Variants in PRPF39 observed in about 807,000 individuals in gnomAD.
PRPF39 encodes the protein pre-mRNA processing factor 39.
In PRPF39, 27 loss-of-function variants were observed where a neutral mutation model predicts 82.1. That is an observed-to-expected ratio of 0.33 (90% CI 0.24 to 0.45). The LOEUF (loss-of-function observed/expected upper bound fraction) is 0.45. Among genes scored for constraint, PRPF39 ranks in the 20% least tolerant of loss-of-function variants. The pLI is 1.00. For missense variants in PRPF39, 581 were observed against 796.9 expected, an observed-to-expected ratio of 0.73 and a Z score of 3.26; for synonymous variants, 261 against 256.4, an observed-to-expected ratio of 1.02 and a Z score of -0.17.
At chr14:45,106,643 A>T (rs1884542248) in intron 5 of PRPF39, among the ~76,000 whole-genome samples, 1 of 152,142 alleles carries the variant, frequency 6.6e-6, no homozygotes, top group Non-Finnish European at 1.5e-5. Context: ...TGCTAATGTG[A>T]TTAGGAGAAA....
chr14:45,106,576 A>G (rs180917375), intron 5 of PRPF39, among the ~76,000 whole-genome samples: 54 of 152,274 alleles, frequency 3.5e-4, no homozygotes, highest in African/African-American at 1.3e-3. Context: ...AAATCTTTTT[A>G]TAGATTAGCT....
chr14:45,113,216 A>G (rs1352081476), intron 11 of PRPF39, among the ~76,000 whole-genome samples: 1 of 152,212 alleles, frequency 6.6e-6, no homozygotes, highest in Non-Finnish European at 1.5e-5. Flanking sequence ...ATGTGTGTAT[A>G]TATTTTTGAT....
chr14:45,114,033 C>CAG lies in PRPF39; in HGVS notation c.1758-149_1758-148dup. The CAG allele has an allele frequency of 5.3e-6, 3 of 566,334 alleles. 1 individual carries two copies. The allele number at this position is 566,334 out of a possible 1,614,324, so 35.1% of individuals were successfully genotyped here. ...TATAGGGAATGGAGTGTCTGAGTAT[C>CAG]AGGACTATGATTTTAGTAGTAGAAA... On this transcript the variant is annotated intron_variant, in intron 11 of 13. Transcript: ENST00000355765.
chr14:45,111,018 G>C, intron 10 of PRPF39: 1 of 553,162 alleles, frequency 1.8e-6, no homozygotes, highest in Non-Finnish European at 3.2e-6. Context: ...TAGACATTAA[G>C]ATTATTGGGT....
At chr14:45,111,498 C>A (rs1214287450) in intron 10 of PRPF39, among the ~76,000 whole-genome samples, 1 of 151,814 alleles carries the variant, frequency 6.6e-6, no homozygotes, top group Non-Finnish European at 1.5e-5. Context: ...CCGCGTCCGG[C>A]TGATTTTTGT....
At chr14:45,107,701 G>T in intron 6 of PRPF39, 85 bp downstream of exon 6, 1 of 1,374,738 alleles carries the variant, frequency 7.3e-7, no homozygotes, top group Non-Finnish European at 9.9e-7. Flanking sequence ...GGCCAAGGTA[G>T]GCGGGTCACC....
At chr14:45,105,239 C>T (rs1044037217) in intron 5 of PRPF39, among the ~76,000 whole-genome samples, 3 of 152,116 alleles carry the variant, frequency 2.0e-5, no homozygotes, top group African/African-American at 7.2e-5. Context: ...GAAGTTGTTA[C>T]ATGATGTAGC....
chr14:45,096,087 G>C lies in PRPF39; in HGVS notation c.325-16G>C. 1 of 1,544,434 alleles carries C rather than the reference G, an allele frequency of 6.5e-7. No individual in the cohort carries two copies. The highest frequency in any genetic ancestry group is 8.8e-7 in the Non-Finnish European group (1 of 1,141,792). On this transcript the variant is annotated splice_polypyrimidine_tract_variant and intron_variant, in intron 2 of 13. Transcript: ENST00000355765. ...GAAATTTCCACAATATTTAAATACT[G>C]TTTTATTTTTATCAGAATCACTTGA...
intron 1 of PRPF39, among the ~76,000 whole-genome samples, chr14:45,092,617 A>AT (rs1884070506): frequency 6.6e-6 from 1 of 151,598 alleles, no homozygotes; most frequent in Non-Finnish European, 1.5e-5. Context: ...AAAAAAAAAA[A>AT]AAAAAAAGTC....
chr14:45,114,507 G>C lies in PRPF39; in HGVS notation c.1846G>C (p.Glu616Gln). Residue 616 changes from glutamate to glutamine, a missense_variant, in exon 13 of 14, where the codon GAG (glutamate) becomes CAG (glutamine). Glu to Gln is a conservative substitution (Grantham distance 29). Transcript: ENST00000355765. ...RKAENGSEEP[E>Q]EKKAHTEDTT... ...CGTTTTATATAGATCAGAAGAACCA[G>C]AGGAAAAGAAAGCACATACAGAAGA... 1 of 1,579,706 alleles carries C rather than the reference G, an allele frequency of 6.3e-7. No homozygotes were observed. Among genetic ancestry groups the C allele is most frequent in the Non-Finnish European group, 8.5e-7 (1 of 1,170,230 alleles).
intron 5 of PRPF39, among the ~76,000 whole-genome samples, chr14:45,103,065 T>C (rs966870465): frequency 6.6e-6 from 1 of 151,900 alleles, no homozygotes; most frequent in African/African-American, 2.4e-5. Context: ...TAGATGCTTA[T>C]TTTTTTTGAA....
At chr14:45,090,661 A>G (rs953341461) in intron 1 of PRPF39, among the ~76,000 whole-genome samples, 1 of 150,480 alleles carries the variant, frequency 6.6e-6, no homozygotes, top group Non-Finnish European at 1.5e-5. Flanking sequence ...ATTGTTTTCA[A>G]ATGATTTTTT....
chr14:45,095,946 A>C (rs775128485), intron 2 of PRPF39, among the ~76,000 whole-genome samples, 157 bp from the exon 3 acceptor site: 52 of 151,464 alleles, frequency 3.4e-4, no homozygotes, highest in Non-Finnish European at 7.1e-4. Flanking sequence ...TAAAGGAATA[A>C]AAGAAGGGCT....
chr14:45,087,253 C>A (rs575995921), intron 1 of PRPF39, among the ~76,000 whole-genome samples: 7 of 151,972 alleles, frequency 4.6e-5, no homozygotes, highest in African/African-American at 1.5e-4. Context: ...TGCGTGCCAC[C>A]ACACCCAGCT....
rs1382739942 is a variant in PRPF39, at chr14:45,101,829, CAG to C, written c.570-697_570-696del. Reference sequence around the variant, plus strand: ...GTATACTTTTTTTTTTTTTTTGAGACAGAGTCGCGCTCTGTCGCCCAGTCTGG... The same window carrying C: ...GTATACTTTTTTTTTTTTTTTGAGACAGTCGCGCTCTGTCGCCCAGTCTGG... On this transcript the variant is annotated intron_variant, in intron 4 of 13. Transcript: ENST00000355765. Among the ~76,000 whole-genome samples the C allele has an allele frequency of 3.4e-4, 51 of 148,972 alleles. No homozygotes were observed. The East Asian group carries it at 0.01, about 29-fold the overall frequency.
intron 4 of PRPF39, among the ~76,000 whole-genome samples, chr14:45,101,099 G>A (rs888814686): frequency 2.6e-5 from 4 of 152,094 alleles, no homozygotes; most frequent in African/African-American, 7.2e-5. Context: ...CCTGGCCAGT[G>A]CCAAACGTGT....
chr14:45,110,795 T>C lies in PRPF39; in HGVS notation c.1550T>C (p.Leu517Ser). Residue 517 changes from leucine to serine, a missense_variant, in exon 10 of 14, where the codon TTG becomes TCG. Leu to Ser is a moderately radical substitution (Grantham distance 145, BLOSUM62 -2). Coordinates refer to ENST00000355765, the MANE Select transcript of PRPF39 (RefSeq NM_017922.4). This position sits in a 1 kb window ranked among gnomAD's most constrained non-coding sequence, Gnocchi z 4.0. ...KNLPKSRKVL[L>S]EAIERDKENT... is the part of the protein sequence containing the mutation. ...CTTCCAAAATCAAGAAAGGTGCTTT[T>C]GGAAGCAATCGAAAGAGACAAAGTA... The C allele has an allele frequency of 6.4e-7, 1 of 1,552,492 alleles. No individual in the cohort carries two copies. The highest frequency in any genetic ancestry group is 1.7e-4 in the Middle Eastern group (1 of 5,990).
At chr14:45,106,901 A>G (rs1041123662) in intron 5 of PRPF39, among the ~76,000 whole-genome samples, 13 of 152,318 alleles carry the variant, frequency 8.5e-5, no homozygotes, top group Non-Finnish European at 1.8e-4. Flanking sequence ...GTAATTGATA[A>G]TCTTAATTGG....
rs551735547 is a variant in PRPF39, at chr14:45,091,738, A to G, written c.-19-3483A>G. ...TCATAGTTAAGGAAATGAAAATCAA[A>G]ATGAGGTGCTACTTTGTTAAAAAAA... On this transcript the variant is annotated intron_variant, in intron 1 of 13. Transcript: ENST00000355765. Among the ~76,000 whole-genome samples, 14 of 152,272 alleles carry G rather than the reference A, an allele frequency of 9.2e-5. No individual in the cohort carries two copies. In the South Asian group the frequency reaches 1.0e-3, roughly 11 times the overall value.
Sources: allele counts gnomAD v4.1 joint callset (sites outside exome capture counted in the v4.1 genomes callset), GRCh38; gene constraint gnomAD v4.1.1; non-coding constraint Gnocchi (gnomAD v3.1); transcripts MANE v1.5; gene names NCBI Gene and HGNC (gene_info 2026-07-23, HGNC 2026-07-21).